GPC6: variants seen among roughly 807,000 people sequenced by gnomAD.
GPC6 encodes glypican-6.
A neutral mutation model predicts 55.2 loss-of-function variants in GPC6; 14 were observed. The ratio of observed to expected loss-of-function variants is 0.25; its 90% confidence interval spans 0.17 to 0.40. GPC6 has a LOEUF of 0.40. Among genes scored for constraint, GPC6 ranks in the 10% least tolerant of loss-of-function variants. GPC6 has a pLI of 1.00. For missense variants in GPC6, 641 were observed against 708.5 expected (o/e 0.90, Z 1.08); for synonymous variants, 278 against 259.6 (o/e 1.07, Z -0.68).
intron 5 of GPC6, among the ~76,000 whole-genome samples, chr13:94,290,429 T>TTAAAAA (rs1874893237): frequency 1.0e-5 from 1 of 99,044 alleles, no homozygotes; most frequent in Admixed American, 1.2e-4. Context: ...TCTAGAAAGG[T>TTAAAAA]AAAAAAAAAA....
At chr13:93,469,117 A>G (rs1418333363) in intron 1 of GPC6, among the ~76,000 whole-genome samples, 2 of 152,218 alleles carry the variant, frequency 1.3e-5, no homozygotes, top group Admixed American at 6.5e-5. Context: ...AAAATATCAT[A>G]ATGAAGCTGA....
At chr13:94,197,926 T>C (rs749464639) in intron 4 of GPC6, among the ~76,000 whole-genome samples, 1 of 152,232 alleles carries the variant, frequency 6.6e-6, no homozygotes, top group Non-Finnish European at 1.5e-5. Context: ...ATGTTTAGCA[T>C]GTTAAATGTT....
chr13:93,248,102 C>T (rs1359963), intron 1 of GPC6, among the ~76,000 whole-genome samples: 88,953 of 151,968 alleles, frequency 0.59, 26,877 homozygotes, highest in African/African-American at 0.71. Context: ...TTTAGGAGTG[C>T]CAATTTATTC....
intron 1 of GPC6, among the ~76,000 whole-genome samples, chr13:93,440,925 A>G (rs1343263233): frequency 1.4e-5 from 2 of 147,328 alleles, no homozygotes; most frequent in Non-Finnish European, 3.0e-5. Context: ...ATTCCCACCT[A>G]TGAGTGAGAA....
intron 1 of GPC6, among the ~76,000 whole-genome samples, chr13:93,502,299 A>G (rs1211814084): frequency 3.3e-5 from 5 of 152,126 alleles, no homozygotes; most frequent in African/African-American, 1.2e-4. Context: ...CGAGAGAGCA[A>G]GAAAGAGAGA....
rs1437128741 is a variant in GPC6, at chr13:94,288,844, AAT to A, written c.1008+2373_1008+2374del. Among the ~76,000 whole-genome samples the A allele has an allele frequency of 5.9e-4, 58 of 97,912 alleles. 4 individuals are homozygous for A. Among genetic ancestry groups the A allele is most frequent in the African/African-American group, 2.0e-3 (51 of 25,804 alleles). 64.2% of individuals were successfully genotyped at this position (97,912 alleles called of 152,430 possible). On this transcript the variant is annotated intron_variant, in intron 5 of 8. Transcript: ENST00000377047. The stretch of plus-strand genomic sequence containing the variant: ...ATATATATATTTGTTATATATAACA[AAT>A]ATATATAATAAATATATATATTTGT...
chr13:93,327,856 A>G (rs754562186), intron 1 of GPC6, among the ~76,000 whole-genome samples: 7 of 152,064 alleles, frequency 4.6e-5, no homozygotes, highest in Non-Finnish European at 8.8e-5. Context: ...TAAGCCTTCT[A>G]AATTTTCAGA....
At chr13:93,952,912 T>TA (rs1311897767) in intron 3 of GPC6, among the ~76,000 whole-genome samples, 3 of 149,246 alleles carry the variant, frequency 2.0e-5, no homozygotes, top group Admixed American at 1.3e-4. Flanking sequence ...TATATATGTA[T>TA]ATATATACAC....
chr13:93,799,716 G>T (rs902156748), intron 2 of GPC6, among the ~76,000 whole-genome samples: 1 of 152,140 alleles, frequency 6.6e-6, no homozygotes, highest in Admixed American at 6.5e-5. Context: ...AAGTGTTTAT[G>T]AGTATTACTG....
chr13:94,215,601 T>C (rs1259650775), intron 4 of GPC6, among the ~76,000 whole-genome samples: 1 of 152,152 alleles, frequency 6.6e-6, no homozygotes, highest in Non-Finnish European at 1.5e-5. Context: ...AACAAATATG[T>C]CCTGACATAT....
intron 3 of GPC6, among the ~76,000 whole-genome samples, chr13:93,932,142 A>G (rs1309334578): frequency 1.3e-5 from 2 of 152,248 alleles, no homozygotes; most frequent in African/African-American, 4.8e-5. Context: ...AACAGGACAC[A>G]TAGGTCAGAT....
intron 4 of GPC6, among the ~76,000 whole-genome samples, chr13:94,089,502 T>G (rs949915599): frequency 6.6e-6 from 1 of 152,138 alleles, no homozygotes; most frequent in Non-Finnish European, 1.5e-5. Flanking sequence ...AAGCAGGGGC[T>G]CTTCTGAGAT....
intron 4 of GPC6, among the ~76,000 whole-genome samples, chr13:94,123,704 T>A (rs1886713924): frequency 6.6e-6 from 1 of 151,998 alleles, no homozygotes; most frequent in African/African-American, 2.4e-5. Flanking sequence ...TGTTTGTATT[T>A]GAAAAGGGAG....
intron 4 of GPC6, among the ~76,000 whole-genome samples, chr13:94,032,403 A>C (rs1883176910): frequency 6.6e-6 from 1 of 152,224 alleles, no homozygotes; most frequent in Non-Finnish European, 1.5e-5. Flanking sequence ...ATAAAATAGC[A>C]AATAAGATTG....
chr13:93,567,628 A>C (rs1427714101), intron 2 of GPC6, among the ~76,000 whole-genome samples: 1 of 152,044 alleles, frequency 6.6e-6, no homozygotes, highest in Non-Finnish European at 1.5e-5. Context: ...CGGCCTATTG[A>C]AACACTGTTT....
At chr13:93,348,933 C>T (rs1392874050) in intron 1 of GPC6, among the ~76,000 whole-genome samples, 1 of 152,132 alleles carries the variant, frequency 6.6e-6, no homozygotes, top group African/African-American at 2.4e-5. Flanking sequence ...ACATAGGTCA[C>T]TAATGTTACC....
chr13:93,672,639 GAT>G (rs71272214), intron 2 of GPC6, among the ~76,000 whole-genome samples: 2,428 of 139,660 alleles, frequency 0.017, 25 homozygotes, highest in Middle Eastern at 0.041. Context: ...CTCAGTGTCT[GAT>G]ATATATATAT....
chr13:93,476,186 A>C (rs1879294756), intron 1 of GPC6, among the ~76,000 whole-genome samples: 1 of 152,178 alleles, frequency 6.6e-6, no homozygotes, highest in Non-Finnish European at 1.5e-5. Flanking sequence ...GTAACAGGAA[A>C]ATAAGTGTTG....
intron 4 of GPC6, among the ~76,000 whole-genome samples, chr13:94,155,285 T>C (rs1324871899): frequency 6.6e-6 from 1 of 152,116 alleles, no homozygotes; most frequent in African/African-American, 2.4e-5. Context: ...ATCATTCTCC[T>C]AATGACCCAA....
Sources: gnomAD v4.1 joint callset for allele counts (sites outside exome capture counted in the v4.1 genomes callset) on GRCh38, gnomAD v4.1.1 for gene constraint, MANE v1.5 for transcripts, NCBI Gene and HGNC (gene_info 2026-07-23, HGNC 2026-07-21) for gene names.